The following TMEM132D variants were observed in gnomAD, a reference collection of about 807,000 sequenced individuals.
TMEM132D encodes mature OL transmembrane protein.
Under a neutral mutation model 62.3 loss-of-function variants are expected in TMEM132D, and 21 were observed. That is an observed-to-expected ratio of 0.34 (90% CI 0.24 to 0.49). TMEM132D has a LOEUF of 0.49. TMEM132D is among the 20% of genes least tolerant of loss of function. TMEM132D has a pLI of 0.99. For synonymous variants in TMEM132D, 621 were observed against 575.6 expected, an observed-to-expected ratio of 1.08 and a Z score of -1.13; for missense variants, 1,346 against 1,402.8, an observed-to-expected ratio of 0.96 and a Z score of 0.65.
At chr12:129,181,436 CAGAG>C (rs1878061177) in intron 5 of TMEM132D, among the ~76,000 whole-genome samples, 1 of 152,226 alleles carries the variant, frequency 6.6e-6, no homozygotes, top group Non-Finnish European at 1.5e-5. Flanking sequence ...CCTCCAACAG[CAGAG>C]AGACTTTTCT....
Position 129,131,132 on chromosome 12 carries a change from G to A in TMEM132D, c.1444-46430C>T, listed in dbSNP as rs140164274. Among the ~76,000 whole-genome samples the A allele has an allele frequency of 2.6e-5, 4 of 152,234 alleles. No individual in the cohort carries two copies. The East Asian group carries it at 7.7e-4, about 29-fold the overall frequency. On this transcript the variant is annotated intron_variant, in intron 5 of 8. Coordinates refer to ENST00000422113, the MANE Select transcript of TMEM132D (RefSeq NM_133448.3). ...TACTAATGAAAATCCTGAAAACCAAGTATGTTTTCACATGTAATTAGATAT... is the reference window on the plus strand; with the variant it reads ...TACTAATGAAAATCCTGAAAACCAAATATGTTTTCACATGTAATTAGATAT...
At chr12:129,790,301 T>G (rs11060555) in intron 1 of TMEM132D, among the ~76,000 whole-genome samples, 3,563 of 152,282 alleles carry the variant, frequency 0.023, 123 homozygotes, top group East Asian at 0.14. Context: ...AAGGGTCAAG[T>G]GTGGCAGTCT....
intron 2 of TMEM132D, among the ~76,000 whole-genome samples, chr12:129,691,218 C>T (rs625410): frequency 0.24 from 36,833 of 151,586 alleles, 4,816 homozygotes; most frequent in Admixed American, 0.33. Context: ...TAAAAACATA[C>T]ATTAGAAAAG....
At chr12:129,332,320 C>A (rs1008311892) in intron 4 of TMEM132D, among the ~76,000 whole-genome samples, 2 of 151,636 alleles carry the variant, frequency 1.3e-5, no homozygotes, top group African/African-American at 4.8e-5. Context: ...AGACCCTAGA[C>A]ATTAGGGGGA....
chr12:129,727,740 A>C (rs1162773638), intron 1 of TMEM132D, among the ~76,000 whole-genome samples: 1 of 152,146 alleles, frequency 6.6e-6, no homozygotes, highest in East Asian at 1.9e-4. Flanking sequence ...AATGATTCAA[A>C]TGTGGAATGT....
At chr12:129,253,381 C>A (rs1400933443) in intron 4 of TMEM132D, among the ~76,000 whole-genome samples, 1 of 152,030 alleles carries the variant, frequency 6.6e-6, no homozygotes, top group East Asian at 1.9e-4. Flanking sequence ...CGCACCCCAC[C>A]CAAAGCCTGA....
intron 4 of TMEM132D, among the ~76,000 whole-genome samples, chr12:129,246,886 C>T (rs149867966): frequency 6.6e-6 from 1 of 152,252 alleles, no homozygotes; most frequent in East Asian, 1.9e-4. Flanking sequence ...ATGCATTATT[C>T]TTCAGCAATA....
intron 2 of TMEM132D, among the ~76,000 whole-genome samples, chr12:129,581,594 G>C (rs561980583): frequency 2.0e-5 from 3 of 152,202 alleles, no homozygotes; most frequent in Admixed American, 6.5e-5. Flanking sequence ...TTAAGGTCAG[G>C]AAGCATCCAG....
intron 1 of TMEM132D, among the ~76,000 whole-genome samples, chr12:129,838,509 T>C (rs1566003620): frequency 6.6e-6 from 1 of 152,186 alleles, no homozygotes; most frequent in Non-Finnish European, 1.5e-5. Context: ...CCCCTTCCAC[T>C]GAATCCAAAG....
intron 5 of TMEM132D, among the ~76,000 whole-genome samples, chr12:129,206,701 C>G (rs991756608): frequency 6.6e-6 from 1 of 152,152 alleles, no homozygotes; most frequent in African/African-American, 2.4e-5. Context: ...TGAAATTAAC[C>G]TAAATGGCCA....
intron 5 of TMEM132D, among the ~76,000 whole-genome samples, chr12:129,114,439 C>T (rs1434678758): frequency 2.0e-5 from 3 of 148,540 alleles, no homozygotes; most frequent in Admixed American, 6.8e-5. Context: ...CTTCCTCCCT[C>T]CCTCCCTTTT....
At chr12:129,396,646 G>C (rs1871441952) in intron 3 of TMEM132D, among the ~76,000 whole-genome samples, 1 of 152,138 alleles carries the variant, frequency 6.6e-6, no homozygotes, top group South Asian at 2.1e-4. Context: ...TCCTTTGGTG[G>C]GGGCTTAGCA....
At chr12:129,593,581 T>C (rs1878252808) in intron 2 of TMEM132D, among the ~76,000 whole-genome samples, 1 of 152,188 alleles carries the variant, frequency 6.6e-6, no homozygotes, top group South Asian at 2.1e-4. Flanking sequence ...AAAAGAAAAT[T>C]CTTGATGACA....
chr12:129,633,688 C>T (rs949659904), intron 2 of TMEM132D, among the ~76,000 whole-genome samples: 1 of 152,252 alleles, frequency 6.6e-6, no homozygotes, highest in African/African-American at 2.4e-5. Context: ...GACTCCCAGG[C>T]TGTCAGGACC....
At chr12:129,742,858 A>G (rs956113165) in intron 1 of TMEM132D, among the ~76,000 whole-genome samples, 5 of 152,246 alleles carry the variant, frequency 3.3e-5, no homozygotes, top group Admixed American at 2.6e-4. Flanking sequence ...AAGCACTGGA[A>G]TGCAAGAATT....
chr12:129,795,418 T>G (rs1871534136), intron 1 of TMEM132D, among the ~76,000 whole-genome samples: 1 of 152,258 alleles, frequency 6.6e-6, no homozygotes. Flanking sequence ...GTCAGTCATC[T>G]ACAGACATTG....
intron 3 of TMEM132D, among the ~76,000 whole-genome samples, chr12:129,341,773 C>T (rs1869494374): frequency 6.8e-6 from 1 of 146,272 alleles, no homozygotes. Context: ...CATTCTTATA[C>T]ACCAATAACA....
chr12:129,078,282 G>A (rs1874343540), intron 8 of TMEM132D, among the ~76,000 whole-genome samples: 1 of 152,172 alleles, frequency 6.6e-6, no homozygotes, highest in Non-Finnish European at 1.5e-5. Context: ...GCCCCTTAAT[G>A]GCTTCTCATT....
intron 2 of TMEM132D, among the ~76,000 whole-genome samples, chr12:129,685,416 C>A (rs1173075573): frequency 1.3e-5 from 2 of 152,210 alleles, no homozygotes; most frequent in African/African-American, 2.4e-5. Flanking sequence ...AAGCCCCAAA[C>A]CTTGGCAGAT....
Sources: gnomAD v4.1 joint callset for allele counts (sites outside exome capture counted in the v4.1 genomes callset) on GRCh38, gnomAD v4.1.1 for gene constraint, MANE v1.5 for transcripts, NCBI Gene and HGNC (gene_info 2026-07-23, HGNC 2026-07-21) for gene names.